MDM4: variants seen among roughly 807,000 people sequenced by gnomAD.
The protein encoded by MDM4 is MDM4 regulator of p53, also known as protein Mdm4.
In MDM4, 2 loss-of-function variants were observed where a neutral mutation model predicts 60.2. The ratio of observed to expected loss-of-function variants is 0.03; its 90% CI spans 0.01 to 0.10. The LOEUF (loss-of-function observed/expected upper bound fraction) is 0.10, where lower values mean the gene tolerates loss of function less well. Ranked by LOEUF, MDM4 falls within the 10% of genes least tolerant of loss-of-function variation. The probability of loss-of-function intolerance (pLI) is 1.00; values close to 1 mark genes in which losing one functional copy is unlikely to be tolerated. For missense variants in MDM4, 447 were observed against 577.5 expected (o/e 0.77, Z 2.32); for synonymous variants, 202 against 198.1 (o/e 1.02, Z -0.17).
At position 204,527,460 on chromosome 1, in the gene MDM4, C is replaced by G. The variant is rs1352144454; in HGVS notation, c.153+1026C>G. Among the ~76,000 whole-genome samples, 9 of 152,060 alleles carry G rather than the reference C, an allele frequency of 5.9e-5. No individual in the cohort carries two copies. In the East Asian group the frequency reaches 1.7e-3, roughly 29 times the overall value. ...CCTGAGGTCAGGAGTTCGAGACCAG[C>G]CTGACCAACATGGAGAAACCCCATC... On this transcript the variant is annotated intron_variant, in intron 3 of 10. Coordinates refer to ENST00000367182, the MANE Select transcript of MDM4 (RefSeq NM_002393.5).
intron 3 of MDM4, chr1:204,529,159 C>T (rs921506142): frequency 1.3e-5 from 12 of 932,000 alleles, no homozygotes; most frequent in Non-Finnish European, 2.1e-5. Flanking sequence ...GATGAATTTC[C>T]ACAGGGCTGA....
At chr1:204,518,072 C>A (rs1659177107) in intron 1 of MDM4, among the ~76,000 whole-genome samples, 2 of 152,022 alleles carry the variant, frequency 1.3e-5, no homozygotes, top group Admixed American at 1.3e-4. Context: ...GGGAGGATTG[C>A]TTGATCCCAG....
chr1:204,528,167 A>C (rs1253743963), intron 3 of MDM4, among the ~76,000 whole-genome samples: 1 of 152,094 alleles, frequency 6.6e-6, no homozygotes, highest in Non-Finnish European at 1.5e-5. Context: ...AAATTAAAAA[A>C]AGTATTGGCA....
In MDM4 at chr1:204,554,227, G is replaced by A. The variant is rs553391283; in HGVS notation, c.*4545G>A. On this transcript the variant is annotated 3_prime_UTR_variant, in exon 11 of 11. Transcript: ENST00000367182. ...CCTCTTGACTCGCTTTTGAAAGGAA[G>A]ACAATTGTTAACTAGATATTTGAGT... 1 of 226,048 alleles carries A rather than the reference G, an allele frequency of 4.4e-6. No individual in the cohort carries two copies. The highest frequency in any genetic ancestry group is 2.2e-5 in the African/African-American group (1 of 45,076). 14.0% of individuals were successfully genotyped at this position (226,048 alleles called of 1,614,324 possible).
In MDM4 at chr1:204,532,128, A is replaced by G. The variant is rs1248868454; in HGVS notation, c.288-63A>G. 3 of 973,986 alleles carry G rather than the reference A, an allele frequency of 3.1e-6. No individual in the cohort carries two copies. In the African/African-American group the frequency reaches 4.8e-5, roughly 16 times the overall value. The allele number at this position is 973,986 out of a possible 1,614,324, so 60.3% of individuals were successfully genotyped here. ...GAAATACATTTAATATTTAACGGCA[A>G]ACCACTGATATCTTCATAGTGGCAT... On this transcript the variant is annotated intron_variant, in intron 4 of 10. Transcript: ENST00000367182.
chr1:204,537,542 C>A (rs754159264), intron 6 of MDM4, 45 bp downstream of exon 6: 1 of 1,359,472 alleles, frequency 7.4e-7, no homozygotes, highest in Non-Finnish European at 1.1e-6. Context: ...CAGAGTGGCC[C>A]CTTCTCTGTA....
At chr1:204,529,203 C>G in intron 3 of MDM4, 1 of 753,606 alleles carries the variant, frequency 1.3e-6, no homozygotes. Flanking sequence ...CTGATTAGGT[C>G]TTGTCAAACA....
chr1:204,517,986 C>G (rs965562002), intron 1 of MDM4, among the ~76,000 whole-genome samples: 31 of 151,866 alleles, frequency 2.0e-4, no homozygotes, highest in Admixed American at 6.6e-4. Context: ...ACAAACTGAG[C>G]CCCATCTCTG....
Position 204,546,964 on chromosome 1 carries a change from GTTTACCCCTCA to G in MDM4, c.903+91_903+101del. The G allele has an allele frequency of 4.0e-6, 3 of 756,576 alleles. 1 individual carries two copies. In the South Asian group the frequency reaches 5.3e-5, roughly 13 times the overall value. The allele number at this position is 756,576 out of a possible 1,614,324, so 46.9% of individuals were successfully genotyped here. A position where few individuals can be genotyped will look rare whatever the true frequency, so the allele number is the denominator to read the frequency against. ...CAGTTCACTTGTGTTGAAGAGTGCT[GTTTACCCCTCA>G]TTTCTGTCTCCCTTGCCTAGTTGCT... On this transcript the variant is annotated intron_variant, in intron 10 of 10. Transcript: ENST00000367182.
At chr1:204,516,778 G>A (rs1230464778) in intron 1 of MDM4, among the ~76,000 whole-genome samples, 1 of 152,164 alleles carries the variant, frequency 6.6e-6, no homozygotes, top group Non-Finnish European at 1.5e-5. Context: ...CGACGTAGTT[G>A]GATTGAGTTT....
At chr1:204,534,208 C>G (rs1311898431) in intron 5 of MDM4, among the ~76,000 whole-genome samples, 1 of 152,168 alleles carries the variant, frequency 6.6e-6, no homozygotes, top group Non-Finnish European at 1.5e-5. Flanking sequence ...GAGTCATATG[C>G]CCACTTCACA....
chr1:204,537,332 C>A, intron 5 of MDM4, 98 bp from the exon 6 acceptor site: 1 of 848,006 alleles, frequency 1.2e-6, no homozygotes, highest in Non-Finnish European at 2.0e-6. Context: ...TTTCTAGGGA[C>A]TAAACCTGGC....
chr1:204,528,790 T>TC (rs1660523117), intron 3 of MDM4: 1 of 1,137,978 alleles, frequency 8.8e-7, no homozygotes, highest in African/African-American at 1.5e-5. Flanking sequence ...CTTCTGTCAC[T>TC]CTAGGAAGCC....
intron 9 of MDM4, 63 bp downstream of exon 9, chr1:204,544,747 T>C (rs111844059): frequency 2.3e-5 from 33 of 1,456,032 alleles, no homozygotes; most frequent in Middle Eastern, 1.9e-4. Context: ...TCTGTTGAGA[T>C]TTCTTTGTAT....
At chr1:204,520,243 A>G (rs1223297731) in intron 1 of MDM4, among the ~76,000 whole-genome samples, 1 of 147,512 alleles carries the variant, frequency 6.8e-6, no homozygotes, top group Admixed American at 7.0e-5. Context: ...TCGCCACTGC[A>G]CTCCAGCCTG....
intron 3 of MDM4, chr1:204,529,486 C>T: frequency 6.5e-7 from 1 of 1,528,056 alleles, no homozygotes; most frequent in Non-Finnish European, 8.9e-7. Flanking sequence ...GGGAACATCC[C>T]AGGATTGAGG....
Position 204,538,303 on chromosome 1 carries a change from G to T in MDM4, c.506G>T (p.Arg169Ile). 2 of 1,541,012 alleles carry T rather than the reference G, an allele frequency of 1.3e-6. No individual in the cohort carries two copies. The highest frequency in any genetic ancestry group is 1.8e-6 in the Non-Finnish European group (2 of 1,114,136). The change falls in exon 7 of 11, where the codon AGA becomes ATA. Residue 169 changes from arginine (R) to isoleucine (I), a missense_variant. Arg to Ile is a moderately conservative substitution (Grantham distance 97). Coordinates refer to ENST00000367182, the MANE Select transcript of MDM4 (RefSeq NM_002393.5). ...TCAGAGCATAAATGCATACATTCTAGAGAAGGTATGTTTTGGATTAAGGCT... is the reference window on the plus strand; with the variant it reads ...TCAGAGCATAAATGCATACATTCTATAGAAGGTATGTTTTGGATTAAGGCT... ...PTSEHKCIHS[R>I]EDEDLIENLA...
In MDM4 at chr1:204,549,457, C is replaced by A. The variant is rs145207570; in HGVS notation, c.1248C>A (p.Asn416Lys). The change falls in exon 11 of 11, where the codon AAC becomes AAA. Residue 416 changes from asparagine to lysine, a missense_variant. Physicochemically the swap from Asn to Lys is moderately conservative, Grantham distance 94. Transcript: ENST00000367182. ...TISSMGEQLD[N>K]LSEQRTDTEN... is the part of the protein sequence containing the mutation. The stretch of plus-strand genomic sequence containing the variant: ...CAAGCATGGGAGAACAGTTAGATAA[C>A]CTTTCTGAACAGAGAACAGATACAG... 8.1e-6 allele frequency: 13 copies of A among 1,610,992 alleles called. No homozygotes were observed. Among genetic ancestry groups the A allele is most frequent in the Non-Finnish European group, 9.3e-6 (11 of 1,179,140 alleles).
intron 2 of MDM4, among the ~76,000 whole-genome samples, chr1:204,526,150 G>T (rs1660117409): frequency 6.6e-6 from 1 of 152,046 alleles, no homozygotes; most frequent in Non-Finnish European, 1.5e-5. Context: ...CAGCTACTCT[G>T]GAGGCTGAAG....
Sources: allele counts gnomAD v4.1 joint callset (sites outside exome capture counted in the v4.1 genomes callset), GRCh38; gene constraint gnomAD v4.1.1; transcripts MANE v1.5; gene names NCBI Gene and HGNC (gene_info 2026-07-23, HGNC 2026-07-21).